The following GSK3B variants were observed in gnomAD, a reference collection of about 807,000 sequenced individuals.
The protein encoded by GSK3B is glycogen synthase kinase 3 beta, also known as glycogen synthase kinase-3 beta.
In GSK3B, 15 loss-of-function variants were observed where a neutral mutation model predicts 56.4. The observed-to-expected ratio is 0.27, with a 90% CI of 0.18 to 0.41. GSK3B has a LOEUF of 0.41. GSK3B is among the 10% of genes least tolerant of loss of function. The pLI is 1.00. For synonymous variants in GSK3B, 181 were observed against 188.9 expected (o/e 0.96, Z 0.34); for missense variants, 300 against 513.4 (o/e 0.58, Z 4.02).
chr3:120,072,203 A>G (rs2058332076), intron 1 of GSK3B, among the ~76,000 whole-genome samples: 1 of 152,224 alleles, frequency 6.6e-6, no homozygotes, highest in African/African-American at 2.4e-5. Context: ...AGTTCGATTC[A>G]GAGGCACAGA....
intron 3 of GSK3B, among the ~76,000 whole-genome samples, chr3:119,933,254 T>C (rs1210167841): frequency 6.6e-6 from 1 of 152,122 alleles, no homozygotes; most frequent in African/African-American, 2.4e-5. Flanking sequence ...GAAAATTCAG[T>C]CTGAGAAAAC....
intron 1 of GSK3B, among the ~76,000 whole-genome samples, chr3:120,017,311 A>G (rs1347461883): frequency 6.6e-6 from 1 of 152,234 alleles, no homozygotes; most frequent in Non-Finnish European, 1.5e-5. Flanking sequence ...GCCAGAAGAA[A>G]GCCAGAAAAT....
intron 7 of GSK3B, among the ~76,000 whole-genome samples, chr3:119,878,258 G>C (rs2056337649): frequency 6.6e-6 from 1 of 151,972 alleles, no homozygotes. Context: ...AATATATAAA[G>C]AACTCTTATA....
rs569108163 is a variant in GSK3B, at chr3:119,967,743, GTCCCC to G, written c.283-20397_283-20393del. On this transcript the variant is annotated intron_variant, in intron 2 of 10. Transcript: ENST00000264235. Reference sequence around the variant, plus strand: ...CTTTTCTTTTCCTTTCTCCCGTCCCGTCCCCTCCCCTCCCCTCCTTTTCTTTTCTT... The same window carrying G: ...CTTTTCTTTTCCTTTCTCCCGTCCCGTCCCCTCCCCTCCTTTTCTTTTCTT... 1.4e-3 allele frequency among the ~76,000 whole-genome samples: 216 copies of G among 149,120 alleles called. 2 individuals are homozygous for G. Among genetic ancestry groups the G allele is most frequent in the African/African-American group, 4.9e-3 (199 of 40,446 alleles).
intron 3 of GSK3B, among the ~76,000 whole-genome samples, chr3:119,927,331 G>T (rs1249330345): frequency 6.6e-6 from 1 of 152,140 alleles, no homozygotes; most frequent in Non-Finnish European, 1.5e-5. Flanking sequence ...GGAGACTTGG[G>T]AAAGTGAGAA....
chr3:119,969,566 A>T (rs1426316325), intron 2 of GSK3B, among the ~76,000 whole-genome samples: 1 of 152,190 alleles, frequency 6.6e-6, no homozygotes, highest in Non-Finnish European at 1.5e-5. Flanking sequence ...CAGTCAGCCG[A>T]ATGACAGTAC....
At chr3:120,013,932 G>A (rs374511407) in intron 1 of GSK3B, among the ~76,000 whole-genome samples, 1 of 151,846 alleles carries the variant, frequency 6.6e-6, no homozygotes, top group Admixed American at 6.6e-5. Context: ...CACTTTGGGA[G>A]GCCAAGGTGA....
intron 2 of GSK3B, among the ~76,000 whole-genome samples, chr3:119,958,688 C>T (rs2057240338): frequency 6.6e-6 from 1 of 151,006 alleles, no homozygotes. Flanking sequence ...TCCCTCGACC[C>T]TGGAAGAAAA....
chr3:119,971,869 C>A (rs1400116849), intron 2 of GSK3B, among the ~76,000 whole-genome samples: 2 of 151,830 alleles, frequency 1.3e-5, no homozygotes, highest in Non-Finnish European at 2.9e-5. Flanking sequence ...CCTCGGCCTC[C>A]CAAAGTGCTG....
intron 7 of GSK3B, among the ~76,000 whole-genome samples, chr3:119,893,369 G>C (rs1334608278): frequency 6.6e-6 from 1 of 152,026 alleles, no homozygotes; most frequent in Non-Finnish European, 1.5e-5. Flanking sequence ...ATTTTACCCA[G>C]TTTATACCTC....
rs896597599 is a variant in GSK3B, at chr3:119,867,293, C to T, written c.910-3688G>A. On this transcript the variant is annotated intron_variant, in intron 8 of 10. Transcript: ENST00000264235. ...TTGACTTCTCTGCTAAAAGATGTTT[C>T]TTTGCTGACATTCTCATTATCTTAG... Among the ~76,000 whole-genome samples the T allele has an allele frequency of 1.3e-3, 195 of 152,306 alleles. 2 individuals carry two copies. Among genetic ancestry groups the T allele is most frequent in the African/African-American group, 4.4e-3 (183 of 41,578 alleles).
chr3:119,870,889 T>G (rs1469963077), intron 8 of GSK3B, among the ~76,000 whole-genome samples: 1 of 152,190 alleles, frequency 6.6e-6, no homozygotes, highest in Non-Finnish European at 1.5e-5. Flanking sequence ...GGTTTTATGC[T>G]TTCTGGAATA....
chr3:119,946,758 G>T lies in GSK3B; in HGVS notation c.366+510C>A, dbSNP rs9881985. Among the ~76,000 whole-genome samples the T allele has an allele frequency of 2.3e-4, 35 of 152,238 alleles. No homozygotes were observed. The South Asian group carries it at 7.3e-3, about 32-fold the overall frequency. On this transcript the variant is annotated intron_variant, in intron 3 of 10. Coordinates refer to ENST00000264235, the MANE Select transcript of GSK3B (RefSeq NM_001146156.2). ...GCAGAATTCAATGTGGTCAGACATA[G>T]GGATCACTTAAAGTAAGCTCTGCAA...
chr3:119,840,443 T>A (rs771507546), intron 10 of GSK3B, among the ~76,000 whole-genome samples: 4 of 152,222 alleles, frequency 2.6e-5, no homozygotes, highest in Non-Finnish European at 4.4e-5. Flanking sequence ...AGGCTCGTCT[T>A]GAACTCCCAA....
At chr3:119,969,954 A>T (rs2057350963) in intron 2 of GSK3B, among the ~76,000 whole-genome samples, 1 of 152,192 alleles carries the variant, frequency 6.6e-6, no homozygotes, top group African/African-American at 2.4e-5. Context: ...CCCTTTGTCT[A>T]GCTTGTCCAT....
At chr3:120,015,523 G>A (rs550730643) in intron 1 of GSK3B, among the ~76,000 whole-genome samples, 4 of 151,732 alleles carry the variant, frequency 2.6e-5, no homozygotes, top group Non-Finnish European at 4.4e-5. Flanking sequence ...GGTGGCGCAC[G>A]CCTGTAATCC....
At chr3:119,883,145 T>C (rs2108056088) in intron 7 of GSK3B, among the ~76,000 whole-genome samples, 1 of 152,290 alleles carries the variant, frequency 6.6e-6, no homozygotes, top group African/African-American at 2.4e-5. Flanking sequence ...TTAATTCAAC[T>C]ACTATCATTT....
chr3:119,847,945 T>C (rs1056084501), intron 9 of GSK3B, among the ~76,000 whole-genome samples: 43 of 152,226 alleles, frequency 2.8e-4, no homozygotes, highest in African/African-American at 9.9e-4. Context: ...ATAAGACTTA[T>C]CTAGACACTA....
chr3:119,880,192 G>A (rs2056364414), intron 7 of GSK3B, among the ~76,000 whole-genome samples: 2 of 152,110 alleles, frequency 1.3e-5, no homozygotes, highest in African/African-American at 4.8e-5. Context: ...TCTCATTGTA[G>A]TTTTGATTTG....
Sources: allele counts gnomAD v4.1 joint callset (sites outside exome capture counted in the v4.1 genomes callset), GRCh38; gene constraint gnomAD v4.1.1; transcripts MANE v1.5; gene names NCBI Gene and HGNC (gene_info 2026-07-23, HGNC 2026-07-21).